GRIK2: variants seen among roughly 807,000 people sequenced by gnomAD.
GRIK2 encodes the protein glutamate ionotropic receptor kainate type subunit 2.
GRIK2 carries 32 observed loss-of-function variants against 100.3 expected under a neutral mutation model. The ratio of observed to expected loss-of-function variants is 0.32; its 90% CI spans 0.24 to 0.43. The LOEUF is 0.43. Among genes scored for constraint, GRIK2 ranks in the 20% least tolerant of loss-of-function variants. GRIK2 has a pLI of 1.00. For synonymous variants in GRIK2, 417 were observed against 389.4 expected, an observed-to-expected ratio of 1.07 and a Z score of -0.83; for missense variants, 843 against 1,114.9, an observed-to-expected ratio of 0.76 and a Z score of 3.47.
Position 101,965,765 on chromosome 6 carries a change from T to TTTA in GRIK2, c.2085+37133_2085+37134insTTA, listed in dbSNP as rs1440899381. Among the ~76,000 whole-genome samples the TTTA allele has an allele frequency of 4.0e-4, 61 of 151,814 alleles. 1 individual carries two copies. Among genetic ancestry groups the TTTA allele is most frequent in the African/African-American group, 1.4e-3 (59 of 41,412 alleles). ...GTTAATTTTACCTCATTTGAGTAAA[T>TTTA]CTCAAATGAGGTAAAGTATAGGAGG... On this transcript the variant is annotated intron_variant, in intron 14 of 16. Transcript: ENST00000369134.
At chr6:101,741,113 C>A (rs1481924275) in intron 7 of GRIK2, among the ~76,000 whole-genome samples, 1 of 152,180 alleles carries the variant, frequency 6.6e-6, no homozygotes, top group African/African-American at 2.4e-5. Flanking sequence ...CACAAGCATG[C>A]AAGTATGCAA....
At chr6:102,034,295 T>G (rs1390277364) in intron 14 of GRIK2, among the ~76,000 whole-genome samples, 2 of 151,386 alleles carry the variant, frequency 1.3e-5, no homozygotes, top group Non-Finnish European at 3.0e-5. Context: ...GCCTGCCTTG[T>G]AGTGGAAGTA....
chr6:101,798,756 T>C (rs927349138), intron 7 of GRIK2, among the ~76,000 whole-genome samples: 9 of 152,096 alleles, frequency 5.9e-5, no homozygotes, highest in Admixed American at 5.9e-4. Context: ...CTGTCTTTTC[T>C]AGGTAGTAAG....
chr6:101,823,206 C>G (rs1168594481), intron 10 of GRIK2, among the ~76,000 whole-genome samples: 1 of 152,092 alleles, frequency 6.6e-6, no homozygotes, highest in Non-Finnish European at 1.5e-5. Flanking sequence ...TAGGAGCTCA[C>G]TTCATTTTTT....
chr6:101,675,565 CTT>C (rs573229749), intron 4 of GRIK2, among the ~76,000 whole-genome samples: 22 of 152,030 alleles, frequency 1.4e-4, no homozygotes, highest in Non-Finnish European at 3.1e-4. Context: ...TTTTCACACT[CTT>C]TTATATAGTG....
chr6:101,576,151 T>C (rs911241902), intron 2 of GRIK2, among the ~76,000 whole-genome samples: 10 of 152,144 alleles, frequency 6.6e-5, no homozygotes, highest in African/African-American at 2.4e-4. Context: ...GTATATCAAA[T>C]TTCCACACAT....
intron 4 of GRIK2, among the ~76,000 whole-genome samples, chr6:101,651,407 A>G (rs1263598504): frequency 6.6e-6 from 1 of 152,194 alleles, no homozygotes; most frequent in Non-Finnish European, 1.5e-5. Flanking sequence ...CTTGCAATAC[A>G]GCCAAGAACT....
At chr6:101,518,455 A>T (rs1774701141) in intron 2 of GRIK2, among the ~76,000 whole-genome samples, 1 of 152,132 alleles carries the variant, frequency 6.6e-6, no homozygotes, top group Non-Finnish European at 1.5e-5. Context: ...GCTAGTTGTT[A>T]CGCAGAATAA....
At chr6:101,881,341 A>G (rs189299697) in intron 11 of GRIK2, among the ~76,000 whole-genome samples, 33 of 152,062 alleles carry the variant, frequency 2.2e-4, no homozygotes, top group Non-Finnish European at 7.4e-5. Flanking sequence ...TTGTGATTTC[A>G]AAAGATGCTA....
intron 15 of GRIK2, among the ~76,000 whole-genome samples, chr6:102,040,786 C>A (rs967834755): frequency 4.0e-5 from 6 of 151,548 alleles, no homozygotes; most frequent in Non-Finnish European, 8.9e-5. Flanking sequence ...CATAAAATTG[C>A]CAGCCTTCCG....
intron 15 of GRIK2, among the ~76,000 whole-genome samples, chr6:102,048,711 C>A (rs1344986484): frequency 6.6e-6 from 1 of 151,984 alleles, no homozygotes; most frequent in Admixed American, 6.6e-5. Flanking sequence ...GGAGTAATGA[C>A]AAGCTAGAAG....
intron 14 of GRIK2, among the ~76,000 whole-genome samples, chr6:102,013,964 G>A (rs577064483): frequency 2.4e-4 from 36 of 151,930 alleles, no homozygotes; most frequent in African/African-American, 7.2e-4. Flanking sequence ...AGGGAGGAGC[G>A]CTTCCTCCTC....
chr6:101,945,273 G>T (rs575341277), intron 14 of GRIK2, among the ~76,000 whole-genome samples: 1 of 151,958 alleles, frequency 6.6e-6, no homozygotes, highest in Non-Finnish European at 1.5e-5. Context: ...TAAAATTTAC[G>T]TTGGATTTCA....
rs148560142 is a variant in GRIK2 at position 101,839,570 on chromosome 6, T to C, written c.1318-19717T>C. On this transcript the variant is annotated intron_variant, in intron 10 of 16. Transcript: ENST00000369134. Reference sequence around the variant, plus strand: ...GATTTAAAATACATGAACAGTATGATCAAGTTGGGGGTTTTAAAGATCCCT... The same window carrying C: ...GATTTAAAATACATGAACAGTATGACCAAGTTGGGGGTTTTAAAGATCCCT... Among the ~76,000 whole-genome samples, 16 of 152,286 alleles carry C rather than the reference T, an allele frequency of 1.1e-4. 1 individual carries two copies. Among genetic ancestry groups the C allele is most frequent in the Middle Eastern group, 6.8e-3 (2 of 294 alleles).
intron 7 of GRIK2, among the ~76,000 whole-genome samples, chr6:101,798,628 T>C (rs1023484327): frequency 2.0e-5 from 3 of 151,918 alleles, no homozygotes; most frequent in African/African-American, 7.3e-5. Flanking sequence ...ATCTACAGGG[T>C]TCCTATTCAT....
intron 10 of GRIK2, among the ~76,000 whole-genome samples, chr6:101,818,858 G>A (rs930953710): frequency 2.0e-5 from 3 of 151,834 alleles, no homozygotes; most frequent in South Asian, 2.1e-4. Flanking sequence ...TTTATTTTCC[G>A]CAAATATATT....
At chr6:101,783,511 G>C (rs1466291336) in intron 7 of GRIK2, among the ~76,000 whole-genome samples, 1 of 152,148 alleles carries the variant, frequency 6.6e-6, no homozygotes, top group Non-Finnish European at 1.5e-5. Flanking sequence ...AAAGAGAATT[G>C]GTACTGAAAG....
At chr6:101,670,944 G>T (rs999978950) in intron 4 of GRIK2, among the ~76,000 whole-genome samples, 1 of 152,136 alleles carries the variant, frequency 6.6e-6, no homozygotes, top group Non-Finnish European at 1.5e-5. Flanking sequence ...AAGCCACACG[G>T]ATTGTAAAAT....
chr6:101,761,253 C>T (rs1036505384), intron 7 of GRIK2, among the ~76,000 whole-genome samples: 3 of 151,960 alleles, frequency 2.0e-5, no homozygotes, highest in Admixed American at 6.6e-5. Context: ...TGCTGGGTGG[C>T]CTTTGTGGTA....
Sources: gnomAD v4.1 joint callset for allele counts (sites outside exome capture counted in the v4.1 genomes callset) on GRCh38, gnomAD v4.1.1 for gene constraint, MANE v1.5 for transcripts, NCBI Gene and HGNC (gene_info 2026-07-23, HGNC 2026-07-21) for gene names.